KATNB1: variants seen among roughly 807,000 people sequenced by gnomAD.
KATNB1 encodes the protein katanin regulatory subunit B1, also known as katanin p80 WD40 repeat-containing subunit B1.
In KATNB1, 38 loss-of-function variants were observed where a neutral mutation model predicts 82.3. That is an observed-to-expected ratio of 0.46 (90% CI 0.36 to 0.61). KATNB1 has a LOEUF of 0.61. Among genes scored for constraint, KATNB1 ranks in the 20% least tolerant of loss-of-function variants. The pLI, the probability that KATNB1 is intolerant of heterozygous loss-of-function variation, is 0.00. For synonymous variants in KATNB1, 361 were observed against 368.7 expected, an observed-to-expected ratio of 0.98 and a Z score of 0.24; for missense variants, 749 against 915.7, an observed-to-expected ratio of 0.82 and a Z score of 2.35.
rs373292016 is a variant in KATNB1, at chr16:57,751,734, G to A, written c.516+10G>A. On this transcript the variant is annotated intron_variant, in intron 7 of 19. Coordinates refer to ENST00000379661, the MANE Select transcript of KATNB1 (RefSeq NM_005886.3). This position sits in a 1 kb window ranked among gnomAD's most constrained non-coding sequence, Gnocchi z 6.3. ...TGACCACACCGTGAAGGTAGCTCCCGGCCTGACCTGGGCCCAGGGGCTGGG... is the reference window on the plus strand; with the variant it reads ...TGACCACACCGTGAAGGTAGCTCCCAGCCTGACCTGGGCCCAGGGGCTGGG... The A allele has an allele frequency of 3.5e-5, 56 of 1,607,514 alleles. No homozygotes were observed. Among genetic ancestry groups the A allele is most frequent in the South Asian group, 1.3e-4 (12 of 91,054 alleles).
chr16:57,748,452 C>T (rs1221303570), intron 4 of KATNB1, among the ~76,000 whole-genome samples: 19 of 149,894 alleles, frequency 1.3e-4, no homozygotes, highest in Admixed American at 1.3e-3. Context: ...AAAAGGAGAC[C>T]CCATCTCTAT....
At position 57,751,069 on chromosome 16, in the gene KATNB1, G is replaced by T; in HGVS notation, c.390+142G>T. The T allele has an allele frequency of 2.4e-6, 2 of 836,572 alleles. No homozygotes were observed. The highest frequency in any genetic ancestry group is 3.9e-6 in the Non-Finnish European group (2 of 506,640). The allele number at this position is 836,572 out of a possible 1,614,324, so 51.8% of individuals were successfully genotyped here. A position where few individuals can be genotyped will look rare whatever the true frequency, so the allele number is the denominator to read the frequency against. ...CCACACCATCCTAGGGAAAGCGGGT[G>T]GCAGGCATCTATCTGCCAGATGCTT... On this transcript the variant is annotated intron_variant, in intron 5 of 19. Transcript: ENST00000379661. This position sits in a 1 kb window ranked among gnomAD's most constrained non-coding sequence, Gnocchi z 6.3.
rs1555583776 is a variant in KATNB1, at chr16:57,752,607, C to T, written c.704+6C>T. On this transcript the variant is annotated splice_donor_region_variant and intron_variant, in intron 9 of 19. Coordinates refer to ENST00000379661, the MANE Select transcript of KATNB1 (RefSeq NM_005886.3). ...GGGGAGCCTGGGCCCGTCAGGTACG[C>T]AGGCTGTGGGGTGGGCGGCCCAGCG... 1.3e-6 allele frequency: 2 copies of T among 1,560,828 alleles called. No individual in the cohort carries two copies. The highest frequency in any genetic ancestry group is 1.7e-6 in the Non-Finnish European group (2 of 1,152,570).
Position 57,755,871 on chromosome 16 carries a change from G to T in KATNB1, c.1597G>T (p.Asp533Tyr). The stretch of plus-strand genomic sequence containing the variant: ...GGTGGACTCCGCTGTGGCCATCAAC[G>T]ACCTGTCGGTGGTGGTGGACCTCCT... ...TSVDSAVAIN[D>Y]LSVVVDLLNI... The change falls in exon 17 of 20, where the codon GAC (aspartate) becomes TAC (tyrosine). Residue 533 changes from aspartate (D) to tyrosine (Y), a missense_variant. By Grantham distance (160) the Asp-to-Tyr change is radical. Around this residue, in one of 3 missense-constraint regions of KATNB1, gnomAD observed 407 missense variants for 434.7 expected, o/e 0.94. Coordinates refer to ENST00000379661, the MANE Select transcript of KATNB1 (RefSeq NM_005886.3). 2 of 1,594,972 alleles carry T rather than the reference G, an allele frequency of 1.3e-6. No homozygotes were observed. Among genetic ancestry groups the T allele is most frequent in the South Asian group, 2.2e-5 (2 of 90,112 alleles).
In KATNB1 at chr16:57,756,008, G is replaced by A; in HGVS notation, c.1660G>A (p.Asp554Asn). Residue 554 changes from aspartate (D) to asparagine (N), a missense_variant, in exon 18 of 20, where the codon GAC (aspartate) becomes AAC (asparagine). Physicochemically the swap from Asp to Asn is conservative, Grantham distance 23. Coordinates refer to ENST00000379661, the MANE Select transcript of KATNB1 (RefSeq NM_005886.3). ...VNQKASLWKL[D>N]LCTTVLPQIE... ...CTCTCCTAGCTCCCTGTGGAAGCTGGACCTGTGCACCACCGTCCTGCCACA... is the reference window on the plus strand; with the variant it reads ...CTCTCCTAGCTCCCTGTGGAAGCTGAACCTGTGCACCACCGTCCTGCCACA... 1 of 1,612,790 alleles carries A rather than the reference G, an allele frequency of 6.2e-7. No individual in the cohort carries two copies. Among genetic ancestry groups the A allele is most frequent in the Non-Finnish European group, 8.5e-7 (1 of 1,180,016 alleles).
Position 57,737,176 on chromosome 16 carries a change from AC to A in KATNB1, c.-63del. On this transcript the variant is annotated 5_prime_UTR_variant, in exon 2 of 20. The change abolishes the stop of an existing upstream ORF in the 5' untranslated region. Coordinates refer to ENST00000379661, the MANE Select transcript of KATNB1 (RefSeq NM_005886.3). ...GATTGGTGGATCTGGGGGGGGATCC[AC>A]CCCCACCCCACGAGGAAAGCACAGT... 2 of 1,570,164 alleles carry A rather than the reference AC, an allele frequency of 1.3e-6. No individual in the cohort carries two copies. Among genetic ancestry groups the A allele is most frequent in the South Asian group, 1.1e-5 (1 of 89,556 alleles).
chr16:57,738,762 C>T (rs1424362900), intron 2 of KATNB1, among the ~76,000 whole-genome samples: 2 of 152,202 alleles, frequency 1.3e-5, no homozygotes, highest in African/African-American at 2.4e-5. Context: ...ATTGGGATTA[C>T]GTATTCATCC....
chr16:57,740,696 C>A (rs1479494908), intron 2 of KATNB1, among the ~76,000 whole-genome samples: 1 of 152,192 alleles, frequency 6.6e-6, no homozygotes, highest in Non-Finnish European at 1.5e-5. Flanking sequence ...TTGCTCCCTG[C>A]GGAGTCCTCC....
At chr16:57,740,313 A>T (rs1202506728) in intron 2 of KATNB1, among the ~76,000 whole-genome samples, 1 of 152,098 alleles carries the variant, frequency 6.6e-6, no homozygotes, top group Non-Finnish European at 1.5e-5. Flanking sequence ...GGGTGTCATC[A>T]GTGAGATTCA....
intron 2 of KATNB1, among the ~76,000 whole-genome samples, chr16:57,741,123 AG>A (rs147919606): frequency 6.6e-6 from 1 of 152,298 alleles, no homozygotes; most frequent in African/African-American, 2.4e-5. Context: ...TCTGAGCCGA[AG>A]CCCTGTGCAG....
At chr16:57,753,810 G>A in intron 12 of KATNB1, 135 bp from the exon 13 acceptor site, 1 of 840,012 alleles carries the variant, frequency 1.2e-6, no homozygotes, top group Non-Finnish European at 1.8e-6. Context: ...GGGTTCCTGG[G>A]ACCAGGAGCA....
At position 57,751,197 on chromosome 16, in the gene KATNB1, C is replaced by T. The variant is rs1475512732; in HGVS notation, c.391-64C>T. 1.3e-6 allele frequency: 2 copies of T among 1,497,494 alleles called. No homozygotes were observed. The highest frequency in any genetic ancestry group is 2.8e-5 in the African/African-American group (2 of 72,670). The allele number at this position is 1,497,494 out of a possible 1,614,324, so 92.8% of individuals were successfully genotyped here. Reference sequence around the variant, plus strand: ...CCCACCGTCTGCTCACGACTGCACACCTTCCTCCAGTCGTGGCTCTGACCT... The same window carrying T: ...CCCACCGTCTGCTCACGACTGCACATCTTCCTCCAGTCGTGGCTCTGACCT... On this transcript the variant is annotated intron_variant, in intron 5 of 19. Coordinates refer to ENST00000379661, the MANE Select transcript of KATNB1 (RefSeq NM_005886.3). This position sits in a 1 kb window ranked among gnomAD's most constrained non-coding sequence, Gnocchi z 6.3.
At chr16:57,749,953 G>C (rs1171129639) in intron 4 of KATNB1, among the ~76,000 whole-genome samples, 1 of 152,198 alleles carries the variant, frequency 6.6e-6, no homozygotes, top group African/African-American at 2.4e-5. Flanking sequence ...GTGTGCACCA[G>C]GGCCACCCCA....
chr16:57,755,269 G>A (rs1555585442), intron 15 of KATNB1, 31 bp downstream of exon 15: 2 of 1,610,454 alleles, frequency 1.2e-6, no homozygotes, highest in South Asian at 2.2e-5. Context: ...AGGCATGGGT[G>A]GAGGTCTGTG....
intron 4 of KATNB1, among the ~76,000 whole-genome samples, chr16:57,747,209 TG>T (rs1353963871): frequency 6.6e-6 from 1 of 152,196 alleles, no homozygotes; most frequent in East Asian, 1.9e-4. Flanking sequence ...TAGCCCTTGT[TG>T]GATCATCCCG....
intron 4 of KATNB1, among the ~76,000 whole-genome samples, chr16:57,750,400 C>T (rs1193668750): frequency 1.1e-4 from 16 of 152,262 alleles, no homozygotes; most frequent in Middle Eastern, 3.4e-3. Context: ...GAGGCCAAGG[C>T]GGGTGGATCA....
Position 57,751,300 on chromosome 16 carries a change from A to C in KATNB1, c.430A>C (p.Arg144=). The stretch of plus-strand genomic sequence containing the variant: ...GAGGAAAGGCTGTGTCTTCCGATAC[A>C]GGGTAAGGATGCGCTCTGTCGGTGA... ...IRRKGCVFRY[R]GHSQAVRCLR... Residue 144 remains arginine (R), a splice_region_variant and synonymous_variant, in exon 6 of 20, where the codon AGG becomes CGG. Coordinates refer to ENST00000379661, the MANE Select transcript of KATNB1 (RefSeq NM_005886.3). The surrounding 1 kb of genome is among the most constrained non-coding windows in gnomAD (Gnocchi z 6.3). 1 of 1,613,746 alleles carries C rather than the reference A, an allele frequency of 6.2e-7. No individual in the cohort carries two copies.
Position 57,756,036 on chromosome 16 carries a change from T to C in KATNB1, c.1688T>C (p.Ile563Thr), listed in dbSNP as rs2049274245. The C allele has an allele frequency of 6.2e-7, 1 of 1,610,770 alleles. No homozygotes were observed. Among genetic ancestry groups the C allele is most frequent in the Admixed American group, 1.7e-5 (1 of 59,982 alleles). ...CTGTGCACCACCGTCCTGCCACAGA[T>C]TGAGAAGCTTCTGCAGAGCAAGTAT... is the stretch of plus-strand genomic sequence containing the variant. ...LDLCTTVLPQ[I>T]EKLLQSKYES... Residue 563 changes from isoleucine to threonine, a missense_variant, in exon 18 of 20, where the codon ATT becomes ACT. Around this residue, in one of 3 missense-constraint regions of KATNB1, gnomAD observed 95 missense variants for 131.6 expected, o/e 0.72. Transcript: ENST00000379661.
chr16:57,755,284 G>A (rs1352495686), intron 15 of KATNB1, 46 bp downstream of exon 15: 44 of 1,610,600 alleles, frequency 2.7e-5, no homozygotes, highest in Non-Finnish European at 3.7e-5. Flanking sequence ...TCTGTGGGTG[G>A]AGGGCAGAGC....
Sources: gnomAD v4.1 joint callset for allele counts (sites outside exome capture counted in the v4.1 genomes callset) on GRCh38, gnomAD v4.1.1 for gene constraint, gnomAD v4.1.1 regional missense constraint, Gnocchi (gnomAD v3.1) non-coding constraint, MANE v1.5 for transcripts, NCBI Gene and HGNC (gene_info 2026-07-23, HGNC 2026-07-21) for gene names.